FAM78B: variants seen among roughly 807,000 people sequenced by gnomAD.
FAM78B encodes family with sequence similarity 78 member B, also known as protein FAM78B.
FAM78B carries 10 observed loss-of-function variants against 20.0 expected under a neutral mutation model. The observed-to-expected ratio is 0.50, with a 90% confidence interval of 0.31 to 0.85. The LOEUF is 0.85. Among genes scored for constraint, FAM78B ranks in the 40% least tolerant of loss-of-function variants. FAM78B has a pLI of 0.05. For synonymous variants in FAM78B, 135 were observed against 132.8 expected, an observed-to-expected ratio of 1.02 and a Z score of -0.12; for missense variants, 283 against 345.0, an observed-to-expected ratio of 0.82 and a Z score of 1.42.
At chr1:166,147,060 T>A (rs16856639) in intron 1 of FAM78B, among the ~76,000 whole-genome samples, 4,056 of 152,134 alleles carry the variant, frequency 0.027, 228 homozygotes, top group Admixed American at 0.13. Flanking sequence ...TTGACTGGAG[T>A]TCATGAGAGA....
intron 1 of FAM78B, chr1:166,147,839 T>C (rs1655520824): frequency 6.6e-6 from 1 of 152,206 alleles, no homozygotes; most frequent in Admixed American, 6.5e-5. Flanking sequence ...TTGCGCTTTG[T>C]TGCCTGGGCT....
intron 1 of FAM78B, among the ~76,000 whole-genome samples, chr1:166,145,999 C>A (rs796095423): frequency 2.0e-5 from 3 of 152,100 alleles, no homozygotes; most frequent in African/African-American, 7.2e-5. Flanking sequence ...TTTTCATTTG[C>A]GAAGGAGAGA....
At position 166,062,188 on chromosome 1, in the gene FAM78B, T is replaced by C. The variant is rs60693438; in HGVS notation, c.*410-1525A>G. Among the ~76,000 whole-genome samples, 572 of 152,304 alleles carry C rather than the reference T, an allele frequency of 3.8e-3. 4 individuals carry two copies. The highest frequency in any genetic ancestry group is 0.013 in the African/African-American group (536 of 41,568). The stretch of plus-strand genomic sequence containing the variant: ...CACTGAGATTGGCCTTCTTCCCATT[T>C]CACAGATGGAAAAGTGAAGATCCCA... On this transcript the variant is annotated intron_variant and NMD_transcript_variant, in intron 2 of 2. Transcript: ENST00000435676.
At chr1:166,152,444 G>A (rs533150449) in intron 1 of FAM78B, among the ~76,000 whole-genome samples, 4 of 152,142 alleles carry the variant, frequency 2.6e-5, no homozygotes, top group East Asian at 1.9e-4. Flanking sequence ...TCTCTTTTCC[G>A]TATTTTAGGA....
intron 1 of FAM78B, among the ~76,000 whole-genome samples, chr1:166,076,481 C>A (rs7526838): frequency 0.063 from 9,518 of 152,158 alleles, 1,002 homozygotes; most frequent in African/African-American, 0.22. Flanking sequence ...GCAATCTTTC[C>A]TAACAACCAT....
chr1:166,078,502 G>A (rs1652425882), intron 1 of FAM78B, among the ~76,000 whole-genome samples: 1 of 152,164 alleles, frequency 6.6e-6, no homozygotes. Context: ...CATGCTTTCT[G>A]CATCCCATTT....
rs1274937363 is a variant in FAM78B, at chr1:166,069,621, G to A, written c.*620C>T. 1 of 152,232 alleles carries A rather than the reference G, an allele frequency of 6.6e-6. No individual in the cohort carries two copies. Among genetic ancestry groups the A allele is most frequent in the Admixed American group, 6.5e-5 (1 of 15,284 alleles). 9.4% of individuals were successfully genotyped at this position (152,232 alleles called of 1,614,324 possible). On this transcript the variant is annotated 3_prime_UTR_variant, in exon 2 of 2. Transcript: ENST00000354422. ...TCAGCACCTTGGACAGTTCCAAGGAGGCTTTCTCCCTCAGAAAGGAGCAAA... is the reference window on the plus strand; with the variant it reads ...TCAGCACCTTGGACAGTTCCAAGGAAGCTTTCTCCCTCAGAAAGGAGCAAA...
At chr1:166,099,459 C>T (rs1653417663) in intron 1 of FAM78B, among the ~76,000 whole-genome samples, 1 of 152,160 alleles carries the variant, frequency 6.6e-6, no homozygotes, top group Admixed American at 6.5e-5. Flanking sequence ...AAATGCTGCA[C>T]TTAAAAGATG....
chr1:166,117,074 T>A (rs1174732354), intron 1 of FAM78B, among the ~76,000 whole-genome samples: 2 of 152,218 alleles, frequency 1.3e-5, no homozygotes, highest in African/African-American at 4.8e-5. Context: ...TATATCCTCA[T>A]ATCTGGAAGA....
intron 1 of FAM78B, among the ~76,000 whole-genome samples, chr1:166,133,713 C>A (rs751321821): frequency 3.3e-5 from 5 of 152,100 alleles, no homozygotes; most frequent in Non-Finnish European, 7.3e-5. Flanking sequence ...CAGGTCTTTG[C>A]ACACCTGTGG....
At chr1:166,109,901 T>TATATATATATATATAC (rs1653977772) in intron 1 of FAM78B, among the ~76,000 whole-genome samples, 1 of 99,916 alleles carries the variant, frequency 1.0e-5, no homozygotes, top group Admixed American at 1.3e-4. Context: ...TATATATATA[T>TATATATATATATATAC]ATATATATAT....
chr1:166,088,956 C>G (rs747998141), intron 1 of FAM78B, among the ~76,000 whole-genome samples: 2 of 152,220 alleles, frequency 1.3e-5, no homozygotes, highest in Non-Finnish European at 2.9e-5. Flanking sequence ...CACACTCCCC[C>G]ATGCTCTCAG....
At chr1:166,080,296 C>T (rs1271955662) in intron 1 of FAM78B, among the ~76,000 whole-genome samples, 1 of 152,150 alleles carries the variant, frequency 6.6e-6, no homozygotes, top group Non-Finnish European at 1.5e-5. Flanking sequence ...CCTCTCCCTC[C>T]CCGTAATGCC....
chr1:166,138,408 C>G (rs921475261), intron 1 of FAM78B, among the ~76,000 whole-genome samples: 1 of 152,108 alleles, frequency 6.6e-6, no homozygotes, highest in African/African-American at 2.4e-5. Flanking sequence ...AGACCCCCAC[C>G]ACAATGCATG....
chr1:166,093,356 T>A (rs1026940843), intron 1 of FAM78B, among the ~76,000 whole-genome samples: 1 of 152,106 alleles, frequency 6.6e-6, no homozygotes, highest in Admixed American at 6.5e-5. Flanking sequence ...TAAATCCTCA[T>A]CTCCAAGCAG....
At chr1:166,099,729 A>G (rs1340304028) in intron 1 of FAM78B, among the ~76,000 whole-genome samples, 2 of 152,220 alleles carry the variant, frequency 1.3e-5, no homozygotes, top group East Asian at 3.8e-4. Flanking sequence ...AAATATCACA[A>G]TTCTAAACAT....
intron 1 of FAM78B, among the ~76,000 whole-genome samples, chr1:166,127,463 G>T (rs1017559498): frequency 1.2e-4 from 18 of 152,114 alleles, no homozygotes; most frequent in African/African-American, 4.3e-4. Flanking sequence ...TCCTTCCAGG[G>T]GACTCAGGAT....
At chr1:166,062,137 C>A (rs1651623971) in intron 2 of FAM78B, among the ~76,000 whole-genome samples, 1 of 152,148 alleles carries the variant, frequency 6.6e-6, no homozygotes, top group Admixed American at 6.5e-5. Flanking sequence ...CTCTCACAAG[C>A]CTAAAAACTT....
chr1:166,077,801 ATATT>A (rs1275829241), intron 1 of FAM78B, among the ~76,000 whole-genome samples: 12 of 131,356 alleles, frequency 9.1e-5, no homozygotes, highest in Non-Finnish European at 1.7e-4. Context: ...ATAATTATAT[ATATT>A]TATATGTAGA....
Sources: allele counts gnomAD v4.1 joint callset (sites outside exome capture counted in the v4.1 genomes callset), GRCh38; gene constraint gnomAD v4.1.1; transcripts MANE v1.5; gene names NCBI Gene and HGNC (gene_info 2026-07-23, HGNC 2026-07-21).